Variants in CHST7 observed in about 807,000 individuals in gnomAD.
CHST7 encodes the protein carbohydrate sulfotransferase 7, also known as N-acetylglucosamine 6-O-sulfotransferase 4.
CHST7 carries 5 observed loss-of-function variants against 9.0 expected under a neutral mutation model. That is an observed-to-expected ratio of 0.56 (90% confidence interval 0.29 to 1.17). CHST7 has a LOEUF of 1.17. Ranked by LOEUF, CHST7 falls within the 50% of genes most tolerant of loss-of-function variation. The probability of loss-of-function intolerance (pLI) is 0.08; values close to 1 mark genes in which losing one functional copy is unlikely to be tolerated. For synonymous variants in CHST7, 244 were observed against 237.1 expected, an observed-to-expected ratio of 1.03 and a Z score of -0.27; for missense variants, 377 against 485.1, an observed-to-expected ratio of 0.78 and a Z score of 2.09.
rs748041737 is a variant in CHST7 at position 46,584,129 on chromosome X, C to T, written c.*31+8706C>T. Among the ~76,000 whole-genome samples the T allele has an allele frequency of 8.9e-5, 10 of 112,114 alleles. No individual in the cohort carries two copies. The East Asian group carries it at 2.2e-3, about 25-fold the overall frequency. On this transcript the variant is annotated intron_variant, in intron 1 of 1. Coordinates refer to ENST00000276055, the MANE Select transcript of CHST7 (RefSeq NM_019886.4). Reference sequence around the variant, plus strand: ...GACTATATTCTGTGCCAGCAGATTCCCCTCCCATGAAATGGATGGGAGCAG... The same window carrying T: ...GACTATATTCTGTGCCAGCAGATTCTCCTCCCATGAAATGGATGGGAGCAG...
chrX:46,582,130 A>G (rs1384682504), intron 1 of CHST7, among the ~76,000 whole-genome samples: 2 of 111,424 alleles, frequency 1.8e-5, no homozygotes, highest in Admixed American at 9.6e-5. Context: ...GCTATATTGT[A>G]TTTCATGGTA....
intron 1 of CHST7, among the ~76,000 whole-genome samples, chrX:46,585,909 C>A (rs1028124864): frequency 9.1e-6 from 1 of 110,489 alleles, no homozygotes; most frequent in South Asian, 3.9e-4. Context: ...CCACGCCTGG[C>A]TAATTTTTTT....
At position 46,594,603 on chromosome X, in the gene CHST7, A is replaced by T. The variant is rs190517965; in HGVS notation, c.*32-3157A>T. Among the ~76,000 whole-genome samples the T allele has an allele frequency of 6.3e-5, 7 of 110,377 alleles. No homozygotes were observed. In the South Asian group the frequency reaches 1.1e-3, roughly 18 times the overall value. The stretch of plus-strand genomic sequence containing the variant: ...AAAACTGTCGTGTCACCTCCTTCTG[A>T]CCCCCATGCTTTCAGATACAAAATC... On this transcript the variant is annotated intron_variant, in intron 1 of 1. Transcript: ENST00000276055.
chrX:46,581,093 G>C (rs1359388025), intron 1 of CHST7, among the ~76,000 whole-genome samples: 5 of 108,507 alleles, frequency 4.6e-5, no homozygotes, highest in African/African-American at 1.7e-4. Flanking sequence ...AAATTAGCTG[G>C]GCATGGTGGC....
chrX:46,596,813 G>T (rs986900222), intron 1 of CHST7, among the ~76,000 whole-genome samples: 8 of 109,887 alleles, frequency 7.3e-5, no homozygotes, highest in Non-Finnish European at 1.5e-4. Context: ...CAGGTGTGGT[G>T]CTGCACACCT....
At chrX:46,588,729 CT>C (rs375039012) in intron 1 of CHST7, among the ~76,000 whole-genome samples, 8 of 109,268 alleles carry the variant, frequency 7.3e-5, no homozygotes, top group African/African-American at 1.7e-4. Flanking sequence ...AATAACCATG[CT>C]TTTTTTTTAA....
At chrX:46,584,321 C>T (rs773178447) in intron 1 of CHST7, among the ~76,000 whole-genome samples, 1 of 110,454 alleles carries the variant, frequency 9.1e-6, no homozygotes, top group African/African-American at 3.3e-5. Flanking sequence ...GCAGATCACC[C>T]GAGGTTGGGA....
chrX:46,591,744 G>T (rs915415846), intron 1 of CHST7, among the ~76,000 whole-genome samples: 3 of 111,237 alleles, frequency 2.7e-5, no homozygotes, highest in Non-Finnish European at 3.8e-5. Flanking sequence ...TATATGTGCT[G>T]AACATGCAGG....
chrX:46,594,514 G>T (rs1387634286), intron 1 of CHST7, among the ~76,000 whole-genome samples: 6 of 80,793 alleles, frequency 7.4e-5, no homozygotes, highest in Non-Finnish European at 1.3e-4. Context: ...GTGACAGTGA[G>T]ACTCTGTCCA....
In CHST7 at chrX:46,574,984, C is replaced by T; in HGVS notation, c.1053C>T (p.Ala351=). Residue 351 remains alanine, a synonymous_variant, in exon 1 of 2, where the codon GCC becomes GCT. Coordinates refer to ENST00000276055, the MANE Select transcript of CHST7 (RefSeq NM_019886.4). Reference sequence around the variant, plus strand: ...GTGCGCTCGAGGTGATCTGCGAAGCCTGGCTGCGCGATCTGCTTTTCGCGC... The same window carrying T: ...GTGCGCTCGAGGTGATCTGCGAAGCTTGGCTGCGCGATCTGCTTTTCGCGC... ...LTGALEVICE[A]WLRDLLFARG... 1 of 1,148,490 alleles carries T rather than the reference C, an allele frequency of 8.7e-7. No homozygotes were observed. The highest frequency in any genetic ancestry group is 1.1e-6 in the Non-Finnish European group (1 of 874,970). 94.6% of individuals were successfully genotyped at this position (1,148,490 alleles called of 1,213,427 possible). A position where few individuals can be genotyped will look rare whatever the true frequency, so the allele number is the denominator to read the frequency against.
chrX:46,587,942 A>C (rs1942557035), intron 1 of CHST7, among the ~76,000 whole-genome samples: 1 of 111,941 alleles, frequency 8.9e-6, no homozygotes, highest in Non-Finnish European at 1.9e-5. Flanking sequence ...TCCTCAGCCC[A>C]TTTGTTCTGG....
chrX:46,587,056 T>G (rs1347776461), intron 1 of CHST7, among the ~76,000 whole-genome samples: 1 of 111,831 alleles, frequency 8.9e-6, no homozygotes, highest in Non-Finnish European at 1.9e-5. Context: ...TAATACTGGT[T>G]TGGTGTGCAT....
chrX:46,574,795 C>G lies in CHST7; in HGVS notation c.864C>G (p.Leu288=), dbSNP rs1000323288. The G allele has an allele frequency of 1.7e-6, 2 of 1,200,448 alleles. No homozygotes were observed. Among genetic ancestry groups the G allele is most frequent in the Admixed American group, 2.2e-5 (1 of 44,730 alleles). The change falls in exon 1 of 2, where the codon CTC becomes CTG. Residue 288 remains leucine (L), a synonymous_variant. Coordinates refer to ENST00000276055, the MANE Select transcript of CHST7 (RefSeq NM_019886.4). ...CGAGGGCGGTGCACAACTCGCGCCT[C>G]AAGTCTAGGCAGGGACTGCTGCGCG... ...RDPRAVHNSR[L]KSRQGLLRES...
intron 1 of CHST7, among the ~76,000 whole-genome samples, chrX:46,580,053 TG>T (rs1942517588): frequency 1.3e-5 from 1 of 76,370 alleles, no homozygotes; most frequent in Non-Finnish European, 2.3e-5. Context: ...TGCTAAAGAA[TG>T]GGCATTTTTT....
chrX:46,580,664 G>C (rs1251345242), intron 1 of CHST7, among the ~76,000 whole-genome samples: 1 of 111,686 alleles, frequency 9.0e-6, no homozygotes, highest in Non-Finnish European at 1.9e-5. Context: ...TCCCTGGCAG[G>C]ACCCCTCAGC....
rs1011419639 is a variant in CHST7, at chrX:46,597,772, G to A, written c.*44G>A. On this transcript the variant is annotated 3_prime_UTR_variant, in exon 2 of 2. Transcript: ENST00000276055. The stretch of plus-strand genomic sequence containing the variant: ...CCTTCCCTTCTAGGTCAGTCACCAC[G>A]AACAGGGGCACTCGGCATGCTGCCC... 3.5e-5 allele frequency: 4 copies of A among 113,091 alleles called. No homozygotes were observed. Among genetic ancestry groups the A allele is most frequent in the African/African-American group, 9.6e-5 (3 of 31,221 alleles). 9.3% of individuals were successfully genotyped at this position (113,091 alleles called of 1,213,427 possible).
intron 1 of CHST7, among the ~76,000 whole-genome samples, chrX:46,585,877 C>T (rs1942547232): frequency 9.0e-6 from 1 of 111,086 alleles, no homozygotes; most frequent in African/African-American, 3.3e-5. Flanking sequence ...TCCAGAGTAT[C>T]TGGGACTACA....
intron 1 of CHST7, among the ~76,000 whole-genome samples, chrX:46,584,313 A>G (rs1308273818): frequency 9.0e-6 from 1 of 110,775 alleles, no homozygotes; most frequent in Non-Finnish European, 1.9e-5. Flanking sequence ...CAAGGCAGGC[A>G]GATCACCCGA....
chrX:46,576,206 C>T (rs762877761), intron 1 of CHST7, among the ~76,000 whole-genome samples: 3 of 104,777 alleles, frequency 2.9e-5, no homozygotes, highest in Non-Finnish European at 5.9e-5. Context: ...CCCTCCTCCT[C>T]TCCCTTCCCC....
Sources: allele counts gnomAD v4.1 joint callset (sites outside exome capture counted in the v4.1 genomes callset), GRCh38; gene constraint gnomAD v4.1.1; transcripts MANE v1.5; gene names NCBI Gene and HGNC (gene_info 2026-07-23, HGNC 2026-07-21).